The following REDIC1 variants were observed in gnomAD, a reference collection of about 807,000 sequenced individuals.
REDIC1 encodes HEI10 Interacting Protein 1.
chr12:39,718,227 T>A, the REDIC1 span, among the ~76,000 whole-genome samples: 1 of 152,120 alleles, frequency 6.6e-6, no homozygotes, highest in Non-Finnish European at 1.5e-5. Context: ...GCACAATGTA[T>A]AATGAACCTT....
At chr12:39,882,077 T>A in the REDIC1 span, among the ~76,000 whole-genome samples, 1 of 152,192 alleles carries the variant, frequency 6.6e-6, no homozygotes, top group Non-Finnish European at 1.5e-5. Flanking sequence ...GTCACTCTCA[T>A]GTAGACTTTA....
the REDIC1 span, among the ~76,000 whole-genome samples, chr12:39,722,404 C>T: frequency 3.3e-5 from 5 of 152,154 alleles, no homozygotes; most frequent in South Asian, 1.0e-3. Flanking sequence ...GATAGTTTTT[C>T]AAAAGGCCAG....
chr12:39,742,545 G>A, the REDIC1 span, among the ~76,000 whole-genome samples: 2 of 152,166 alleles, frequency 1.3e-5, no homozygotes, highest in South Asian at 2.1e-4. Flanking sequence ...TGGAGCTCTC[G>A]GGTAGAGGGC....
chr12:39,692,650 C>A, the REDIC1 span, among the ~76,000 whole-genome samples: 17 of 151,774 alleles, frequency 1.1e-4, no homozygotes, highest in Admixed American at 5.9e-4. Context: ...GAATATATCA[C>A]AATTTATGTA....
chr12:39,674,770 C>T, the REDIC1 span, among the ~76,000 whole-genome samples: 1 of 152,190 alleles, frequency 6.6e-6, no homozygotes, highest in Non-Finnish European at 1.5e-5. Flanking sequence ...GGGAAGCCAT[C>T]CCTGGCCTTC....
At chr12:39,878,089 T>C in the REDIC1 span, among the ~76,000 whole-genome samples, 1 of 152,220 alleles carries the variant, frequency 6.6e-6, no homozygotes, top group Non-Finnish European at 1.5e-5. Context: ...CCCAAGAAGC[T>C]AAGCAGATGC....
chr12:39,833,562 G>A, the REDIC1 span, among the ~76,000 whole-genome samples: 290 of 152,146 alleles, frequency 1.9e-3, 2 homozygotes, highest in African/African-American at 6.6e-3. Context: ...AGAACTTCAT[G>A]TTTGGCTCTT....
chr12:39,711,781 G>C, the REDIC1 span, among the ~76,000 whole-genome samples: 1 of 132,480 alleles, frequency 7.5e-6, no homozygotes, highest in Non-Finnish European at 1.7e-5. Flanking sequence ...GCACATGCAT[G>C]TGTATGTGTG....
chr12:39,719,778 A>T, the REDIC1 span, among the ~76,000 whole-genome samples: 1 of 152,114 alleles, frequency 6.6e-6, no homozygotes, highest in Non-Finnish European at 1.5e-5. Flanking sequence ...TAATATTTGT[A>T]CGTATTTAAT....
the REDIC1 span, among the ~76,000 whole-genome samples, chr12:39,773,167 A>T: frequency 6.6e-6 from 1 of 152,150 alleles, no homozygotes; most frequent in African/African-American, 2.4e-5. Flanking sequence ...ATGCTCTTGG[A>T]TGTGGCACCT....
At chr12:39,829,346 A>G in the REDIC1 span, 1 of 150,866 alleles carries the variant, frequency 6.6e-6, no homozygotes, top group Non-Finnish European at 1.5e-5. Flanking sequence ...GGCCTCTAAG[A>G]ATAAAAAAAA....
the REDIC1 span, among the ~76,000 whole-genome samples, chr12:39,846,051 C>T: frequency 6.6e-6 from 1 of 152,108 alleles, no homozygotes; most frequent in African/African-American, 2.4e-5. Flanking sequence ...TGATTTTTCT[C>T]ATGTTCATCT....
the REDIC1 span, among the ~76,000 whole-genome samples, chr12:39,771,840 G>A: frequency 6.6e-6 from 1 of 151,972 alleles, no homozygotes; most frequent in Non-Finnish European, 1.5e-5. Context: ...ACCTTATCTT[G>A]TACTCCTGTA....
chr12:39,683,259 G>A, the REDIC1 span: 26 of 1,258,372 alleles, frequency 2.1e-5, no homozygotes, highest in African/African-American at 2.5e-4. Flanking sequence ...TATGTGTTTG[G>A]AGGAAAATGA....
At chr12:39,699,180 C>T in the REDIC1 span, among the ~76,000 whole-genome samples, 1 of 152,192 alleles carries the variant, frequency 6.6e-6, no homozygotes, top group Non-Finnish European at 1.5e-5. Context: ...GCATTTCCAT[C>T]TGAGGTATTG....
the REDIC1 span, among the ~76,000 whole-genome samples, chr12:39,776,522 T>C: frequency 8.5e-3 from 1,287 of 152,252 alleles, 22 homozygotes; most frequent in African/African-American, 0.029. Flanking sequence ...ATATGAAATA[T>C]TGAAAGAGGA....
chr12:39,682,318 A>T, the REDIC1 span, among the ~76,000 whole-genome samples: 1 of 152,104 alleles, frequency 6.6e-6, no homozygotes, highest in Admixed American at 6.6e-5. Flanking sequence ...AGATTTTATT[A>T]TAGAAAATAT....
chr12:39,894,706 G>A, the REDIC1 span, among the ~76,000 whole-genome samples: 1 of 152,184 alleles, frequency 6.6e-6, no homozygotes, highest in African/African-American at 2.4e-5. Context: ...CAATCATTAA[G>A]TTCAAAGTCA....
chr12:39,786,265 T>A, the REDIC1 span, among the ~76,000 whole-genome samples: 1 of 152,142 alleles, frequency 6.6e-6, no homozygotes, highest in African/African-American at 2.4e-5. Context: ...ATCCTCGTGA[T>A]AGCGAATAAG....
Sources: allele counts gnomAD v4.1 joint callset (sites outside exome capture counted in the v4.1 genomes callset), GRCh38; gene constraint gnomAD v4.1.1; transcripts MANE v1.5; gene names NCBI Gene and HGNC (gene_info 2026-07-23, HGNC 2026-07-21).